Variants in SLC8A1 observed in about 807,000 individuals in gnomAD.
The protein encoded by SLC8A1 is solute carrier family 8 member A1, also known as sodium/calcium exchanger 1.
SLC8A1 carries 18 observed loss-of-function variants against 68.3 expected under a neutral mutation model. That is an observed-to-expected ratio of 0.26 (90% CI 0.18 to 0.39). SLC8A1 has a LOEUF of 0.39. Among genes scored for constraint, SLC8A1 ranks in the 10% least tolerant of loss-of-function variants. The pLI is 1.00. For synonymous variants in SLC8A1, 475 were observed against 415.5 expected, an observed-to-expected ratio of 1.14 and a Z score of -1.74; for missense variants, 985 against 1,156.7, an observed-to-expected ratio of 0.85 and a Z score of 2.15.
At chr2:40,285,389 G>A (rs142009691) in intron 2 of SLC8A1, among the ~76,000 whole-genome samples, 201 of 152,240 alleles carry the variant, frequency 1.3e-3, no homozygotes, top group African/African-American at 4.6e-3. Context: ...CATAAACTAT[G>A]GGGCTGATTT....
chr2:40,130,581 G>A (rs2039123490), intron 7 of SLC8A1, among the ~76,000 whole-genome samples: 1 of 152,224 alleles, frequency 6.6e-6, no homozygotes, highest in Admixed American at 6.5e-5. Flanking sequence ...CAGCAGTACT[G>A]AACTTTTTTG....
Position 40,396,600 on chromosome 2 carries a change from GA to G in SLC8A1, c.1808+31872del, listed in dbSNP as rs1464449507. On this transcript the variant is annotated intron_variant, in intron 2 of 7. Coordinates refer to ENST00000406785, the Ensembl canonical transcript of SLC8A1. ...TAACCTGGAAAAACTAGTTGGCAATGAAAAAAATGTGTTGAGAAGTACCTTA... is the reference window on the plus strand; with the variant it reads ...TAACCTGGAAAAACTAGTTGGCAATGAAAAAATGTGTTGAGAAGTACCTTA... 5.3e-5 allele frequency among the ~76,000 whole-genome samples: 8 copies of G among 151,558 alleles called. No homozygotes were observed. In the East Asian group the frequency reaches 1.6e-3, roughly 30 times the overall value.
chr2:40,496,069 G>A (rs750454341), intron 1 of SLC8A1, among the ~76,000 whole-genome samples: 12 of 152,062 alleles, frequency 7.9e-5, no homozygotes, highest in Non-Finnish European at 1.8e-4. Context: ...GTTATGAGGT[G>A]CCCACTCATT....
intron 1 of SLC8A1, among the ~76,000 whole-genome samples, chr2:40,511,127 A>G (rs1367165526): frequency 6.6e-6 from 1 of 152,166 alleles, no homozygotes; most frequent in Non-Finnish European, 1.5e-5. Flanking sequence ...GGAAGGTCAC[A>G]TTCAATATTT....
intron 1 of SLC8A1, among the ~76,000 whole-genome samples, chr2:40,451,389 T>C (rs2149877526): frequency 6.6e-6 from 1 of 152,262 alleles, no homozygotes; most frequent in South Asian, 2.1e-4. Flanking sequence ...CCGTGGTGAA[T>C]GAGCACCCAA....
chr2:40,460,055 T>TG (rs1363694711), intron 1 of SLC8A1, among the ~76,000 whole-genome samples: 4 of 152,218 alleles, frequency 2.6e-5, no homozygotes, highest in African/African-American at 9.7e-5. Context: ...TGCAGAGTCT[T>TG]GTATACTTCT....
At chr2:40,406,494 A>C (rs1484301550) in intron 2 of SLC8A1, among the ~76,000 whole-genome samples, 30 of 152,234 alleles carry the variant, frequency 2.0e-4, no homozygotes, top group Non-Finnish European at 1.6e-4. Context: ...TGAGCTATCA[A>C]AGTCTGCAGC....
chr2:40,155,038 T>C (rs991303094), intron 6 of SLC8A1, among the ~76,000 whole-genome samples: 9 of 152,084 alleles, frequency 5.9e-5, no homozygotes, highest in Non-Finnish European at 1.2e-4. Flanking sequence ...AAGGGCAAAA[T>C]GAGAAATCCC....
chr2:40,200,226 ATATATATATATAAATATATATATATAT>A (rs1558722745), intron 2 of SLC8A1, among the ~76,000 whole-genome samples: 3 of 34,028 alleles, frequency 8.8e-5, no homozygotes, highest in East Asian at 1.4e-3. Context: ...ATATTTTTTT[ATATATATATATAAATATATATATATAT>A]ATATATATAT....
chr2:40,316,760 T>A (rs980309068), intron 2 of SLC8A1, among the ~76,000 whole-genome samples: 1 of 151,898 alleles, frequency 6.6e-6, no homozygotes, highest in Non-Finnish European at 1.5e-5. Context: ...CCAAAATACC[T>A]CCCTCCCCCA....
intron 2 of SLC8A1, among the ~76,000 whole-genome samples, chr2:40,399,257 G>T (rs1332576270): frequency 6.6e-6 from 1 of 152,052 alleles, no homozygotes; most frequent in African/African-American, 2.4e-5. Context: ...CATGCCTTCG[G>T]AAAACCAAAT....
At chr2:40,321,665 G>A (rs1430361186) in intron 2 of SLC8A1, among the ~76,000 whole-genome samples, 1 of 152,018 alleles carries the variant, frequency 6.6e-6, no homozygotes, top group African/African-American at 2.4e-5. Context: ...GTAAAAGCGG[G>A]AAAAGCCCCT....
Position 40,345,520 on chromosome 2 carries a change from C to A in SLC8A1, c.1808+82953G>T, listed in dbSNP as rs377287631. Among the ~76,000 whole-genome samples, 9 of 152,112 alleles carry A rather than the reference C, an allele frequency of 5.9e-5. No individual in the cohort carries two copies. The South Asian group carries it at 1.9e-3, about 32-fold the overall frequency. ...CTCTACCTTTCAGCTCTGAGATGGA[C>A]AGGGCCACTGATTTATTCCCAGAGT... On this transcript the variant is annotated intron_variant, in intron 2 of 7. Coordinates refer to ENST00000406785, the Ensembl canonical transcript of SLC8A1.
intron 2 of SLC8A1, among the ~76,000 whole-genome samples, chr2:40,235,850 G>A (rs1164621430): frequency 2.2e-4 from 33 of 150,752 alleles, no homozygotes; most frequent in South Asian, 2.1e-4. Context: ...CCTTCATTTC[G>A]TTATGTACCC....
intron 2 of SLC8A1, among the ~76,000 whole-genome samples, chr2:40,243,506 G>C (rs959362115): frequency 6.6e-6 from 1 of 152,038 alleles, no homozygotes; most frequent in Non-Finnish European, 1.5e-5. Flanking sequence ...AGAAAAGAAA[G>C]ATTTCTCAAG....
rs1420256583 is a variant in SLC8A1, at chr2:40,414,796, T to C, written c.1808+13677A>G. Among the ~76,000 whole-genome samples, 3 of 152,134 alleles carry C rather than the reference T, an allele frequency of 2.0e-5. No individual in the cohort carries two copies. In the East Asian group the frequency reaches 5.8e-4, roughly 29 times the overall value. ...TATAGCTAACTTGATTTGAATTAAA[T>C]TGGTTTATGCCTACAGATCAATATT... On this transcript the variant is annotated intron_variant, in intron 2 of 7. Transcript: ENST00000406785.
intron 2 of SLC8A1, among the ~76,000 whole-genome samples, chr2:40,241,626 C>T (rs1187578692): frequency 6.6e-6 from 1 of 152,152 alleles, no homozygotes; most frequent in African/African-American, 2.4e-5. Context: ...ACCTTCCTGC[C>T]TTTTCAAATT....
At chr2:40,233,735 AC>A (rs2059990290) in intron 2 of SLC8A1, among the ~76,000 whole-genome samples, 1 of 150,726 alleles carries the variant, frequency 6.6e-6, no homozygotes, top group African/African-American at 2.4e-5. Context: ...TTTAGGTCTA[AC>A]GTTTAAGTCT....
chr2:40,491,756 G>A (rs1004515566), intron 1 of SLC8A1, among the ~76,000 whole-genome samples: 1 of 151,858 alleles, frequency 6.6e-6, no homozygotes, highest in Non-Finnish European at 1.5e-5. Context: ...TTTTGTCTTT[G>A]GTTCTGTTTA....
Sources: gnomAD v4.1 joint callset for allele counts (sites outside exome capture counted in the v4.1 genomes callset) on GRCh38, gnomAD v4.1.1 for gene constraint, MANE v1.5 for transcripts, NCBI Gene and HGNC (gene_info 2026-07-23, HGNC 2026-07-21) for gene names.